UST: variants seen among roughly 807,000 people sequenced by gnomAD.
The protein encoded by UST is chondroitin sulfate 2-O-sulfotransferase.
In UST, 21 loss-of-function variants were observed where a neutral mutation model predicts 45.6. The observed-to-expected ratio is 0.46, with a 90% CI of 0.33 to 0.66. The LOEUF (loss-of-function observed/expected upper bound fraction) is 0.66. Among genes scored for constraint, UST ranks in the 30% least tolerant of loss-of-function variants. The pLI, the probability that UST is intolerant of heterozygous loss-of-function variation, is 0.02. For missense variants in UST, 463 were observed against 512.4 expected, an observed-to-expected ratio of 0.90 and a Z score of 0.93; for synonymous variants, 215 against 200.6, an observed-to-expected ratio of 1.07 and a Z score of -0.61.
intron 7 of UST, among the ~76,000 whole-genome samples, chr6:149,057,299 TGCTGTACTCC>T (rs141600443): frequency 0.014 from 2,078 of 152,304 alleles, 28 homozygotes; most frequent in African/African-American, 0.038. Flanking sequence ...TTAAGGGCAC[TGCTGTACTCC>T]TTTACATTCT....
At chr6:148,858,700 A>G (rs550299635) in intron 1 of UST, among the ~76,000 whole-genome samples, 10 of 150,720 alleles carry the variant, frequency 6.6e-5, no homozygotes, top group Middle Eastern at 6.9e-3. Context: ...CCCTGTGTCC[A>G]TGTGTTCTCA....
At chr6:149,052,562 T>TGCAA (rs1428803998) in intron 7 of UST, among the ~76,000 whole-genome samples, 1 of 150,520 alleles carries the variant, frequency 6.6e-6, no homozygotes, top group Non-Finnish European at 1.5e-5. Flanking sequence ...CCAGGTGACT[T>TGCAA]GCAACCCCGT....
At chr6:148,808,983 GT>G (rs1271612191) in intron 1 of UST, among the ~76,000 whole-genome samples, 1 of 152,238 alleles carries the variant, frequency 6.6e-6, no homozygotes, top group African/African-American at 2.4e-5. Flanking sequence ...TATCTGTTGT[GT>G]AAGCCACCCG....
chr6:148,813,690 T>C (rs1471636815), intron 1 of UST, among the ~76,000 whole-genome samples: 1 of 152,144 alleles, frequency 6.6e-6, no homozygotes, highest in Non-Finnish European at 1.5e-5. Flanking sequence ...CAGAAGAAAT[T>C]TTAATTGGCA....
At position 148,964,573 on chromosome 6, in the gene UST, G is replaced by T; in HGVS notation, c.681+10G>T. 1 of 1,612,826 alleles carries T rather than the reference G, an allele frequency of 6.2e-7. No homozygotes were observed. The highest frequency in any genetic ancestry group is 8.5e-7 in the Non-Finnish European group (1 of 1,179,818). ...GGAGGAGCGCTACCTGGTAAGTCCTGTCGCATGCAAAAGGCGGTCTCCCCA... is the reference window on the plus strand; with the variant it reads ...GGAGGAGCGCTACCTGGTAAGTCCTTTCGCATGCAAAAGGCGGTCTCCCCA... On this transcript the variant is annotated intron_variant, in intron 5 of 7. Coordinates refer to ENST00000367463, the MANE Select transcript of UST (RefSeq NM_005715.3).
chr6:149,076,819 A>T lies in UST; in HGVS notation c.*2703A>T. On this transcript the variant is annotated 3_prime_UTR_variant, in exon 8 of 8. Coordinates refer to ENST00000367463, the MANE Select transcript of UST (RefSeq NM_005715.3). ...CTGATGGATGTTTTTTAAAAGGAAAATTATTATTATGAACCTTCAGCCTAC... is the reference window on the plus strand; with the variant it reads ...CTGATGGATGTTTTTTAAAAGGAAATTTATTATTATGAACCTTCAGCCTAC... 6.6e-6 allele frequency: 1 copy of T among 152,282 alleles called. No homozygotes were observed. The highest frequency in any genetic ancestry group is 1.9e-4 in the East Asian group (1 of 5,198). The allele number at this position is 152,282 out of a possible 1,614,324, so 9.4% of individuals were successfully genotyped here. A position where few individuals can be genotyped will look rare whatever the true frequency, so the allele number is the denominator to read the frequency against.
intron 1 of UST, among the ~76,000 whole-genome samples, chr6:148,757,289 A>G (rs1360925175): frequency 6.6e-6 from 1 of 152,254 alleles, no homozygotes; most frequent in Non-Finnish European, 1.5e-5. Flanking sequence ...ATTTGTGTGC[A>G]TACAGTTAGA....
At chr6:148,788,691 G>A (rs1286611828) in intron 1 of UST, among the ~76,000 whole-genome samples, 1 of 152,168 alleles carries the variant, frequency 6.6e-6, no homozygotes, top group African/African-American at 2.4e-5. Flanking sequence ...ATCCTTGAAT[G>A]ATGCCAGGCA....
At chr6:148,762,535 C>CTTT (rs373630504) in intron 1 of UST, among the ~76,000 whole-genome samples, 1 of 133,766 alleles carries the variant, frequency 7.5e-6, no homozygotes, top group Admixed American at 7.4e-5. Context: ...AGGCTTCTAT[C>CTTT]TTTTTTTTTT....
At chr6:149,066,657 T>C (rs1398310572) in intron 7 of UST, among the ~76,000 whole-genome samples, 1 of 152,054 alleles carries the variant, frequency 6.6e-6, no homozygotes, top group Non-Finnish European at 1.5e-5. Flanking sequence ...GTAACTGAAA[T>C]ACACGAGACA....
chr6:148,936,369 A>C (rs1423420711), intron 2 of UST, among the ~76,000 whole-genome samples: 2 of 152,032 alleles, frequency 1.3e-5, no homozygotes, highest in African/African-American at 4.8e-5. Flanking sequence ...ATCCACGGGG[A>C]GTATGGGGGG....
intron 2 of UST, among the ~76,000 whole-genome samples, chr6:148,937,205 C>G (rs1780041717): frequency 6.6e-6 from 1 of 152,188 alleles, no homozygotes; most frequent in Non-Finnish European, 1.5e-5. Flanking sequence ...CTTTAAAACT[C>G]ACAAGGCTGA....
At position 148,846,341 on chromosome 6, in the gene UST, G is replaced by A. The variant is rs1029468008; in HGVS notation, c.248-40645G>A. On this transcript the variant is annotated intron_variant, in intron 1 of 7. Coordinates refer to ENST00000367463, the MANE Select transcript of UST (RefSeq NM_005715.3). ...AAATCATCATTCTCAGTAAACTATC[G>A]CAAGGACAAAAAACCAAACACTGCA... 6.6e-5 allele frequency among the ~76,000 whole-genome samples: 10 copies of A among 151,822 alleles called. No individual in the cohort carries two copies. In the East Asian group the frequency reaches 7.8e-4, roughly 12 times the overall value.
chr6:148,869,361 G>T (rs1413924815), intron 1 of UST, among the ~76,000 whole-genome samples: 1 of 152,074 alleles, frequency 6.6e-6, no homozygotes, highest in Non-Finnish European at 1.5e-5. Context: ...GATAGGAAAA[G>T]GAGAGTGATG....
rs983497197 is a variant in UST, at chr6:149,057,623, C to A, written c.938-16210C>A. Among the ~76,000 whole-genome samples the A allele has an allele frequency of 2.0e-5, 3 of 152,218 alleles. No homozygotes were observed. In the South Asian group the frequency reaches 6.2e-4, roughly 32 times the overall value. On this transcript the variant is annotated intron_variant, in intron 7 of 7. Transcript: ENST00000367463. ...TTATTGAGTCATAGAAACAGAAAAC[C>A]CAATCATCTAACAGTAGCAGATGGT...
intron 7 of UST, among the ~76,000 whole-genome samples, chr6:149,071,623 G>A (rs1194005418): frequency 1.3e-5 from 2 of 152,004 alleles, no homozygotes; most frequent in Non-Finnish European, 2.9e-5. Flanking sequence ...GGATAAAATA[G>A]TCTTCATTAA....
chr6:148,992,894 C>A (rs1449253335), intron 5 of UST: 8 of 642,868 alleles, frequency 1.2e-5, no homozygotes, highest in Non-Finnish European at 1.4e-5. Flanking sequence ...AGTCTACAGA[C>A]CTCTTCTCAG....
intron 1 of UST, among the ~76,000 whole-genome samples, chr6:148,774,949 CG>C (rs1422584408): frequency 1.3e-5 from 2 of 151,776 alleles, no homozygotes; most frequent in African/African-American, 4.8e-5. Flanking sequence ...ACCTGGGATG[CG>C]GGGGTTGCAG....
At chr6:148,755,905 G>A (rs897876375) in intron 1 of UST, among the ~76,000 whole-genome samples, 2 of 151,964 alleles carry the variant, frequency 1.3e-5, no homozygotes, top group Non-Finnish European at 2.9e-5. Context: ...TGTGCACAAC[G>A]TGCAGGTTTG....
Sources: allele counts gnomAD v4.1 joint callset (sites outside exome capture counted in the v4.1 genomes callset), GRCh38; gene constraint gnomAD v4.1.1; transcripts MANE v1.5; gene names NCBI Gene and HGNC (gene_info 2026-07-23, HGNC 2026-07-21).